ROBO2: variants seen among roughly 807,000 people sequenced by gnomAD.
ROBO2 encodes the protein roundabout guidance receptor 2.
Under a neutral mutation model 160.8 loss-of-function variants are expected in ROBO2, and 53 were observed. That is an observed-to-expected ratio of 0.33 (90% CI 0.26 to 0.41). The LOEUF is 0.41. Ranked by LOEUF, ROBO2 falls within the 10% of genes least tolerant of loss-of-function variation. The probability of loss-of-function intolerance (pLI) is 1.00; values close to 1 mark genes in which losing one functional copy is unlikely to be tolerated. For missense variants in ROBO2, 1,577 were observed against 1,722.4 expected, an observed-to-expected ratio of 0.92 and a Z score of 1.49; for synonymous variants, 664 against 611.7, an observed-to-expected ratio of 1.09 and a Z score of -1.26.
At chr3:76,243,609 C>A (rs951075740) in intron 2 of ROBO2, among the ~76,000 whole-genome samples, 1 of 152,148 alleles carries the variant, frequency 6.6e-6, no homozygotes, top group Non-Finnish European at 1.5e-5. Flanking sequence ...GCTTAGGAAA[C>A]CAACAGTAAA....
At chr3:77,617,110 A>G (rs1337212752) in intron 21 of ROBO2, among the ~76,000 whole-genome samples, 1 of 127,386 alleles carries the variant, frequency 7.9e-6, no homozygotes, top group African/African-American at 3.3e-5. Flanking sequence ...TAGATAATCA[A>G]TCAGCGATAT....
intron 2 of ROBO2, among the ~76,000 whole-genome samples, chr3:76,631,199 T>C (rs1430208077): frequency 6.6e-6 from 1 of 152,226 alleles, no homozygotes; most frequent in Non-Finnish European, 1.5e-5. Flanking sequence ...AATTTTAATT[T>C]TATTCAGTGG....
intron 2 of ROBO2, among the ~76,000 whole-genome samples, chr3:77,350,212 C>A (rs974061782): frequency 2.0e-5 from 3 of 151,546 alleles, no homozygotes; most frequent in African/African-American, 7.3e-5. Flanking sequence ...AGTTCAAGAC[C>A]AGCCTGGGCA....
chr3:76,961,247 G>GGAAAAAAAAAAAAAAA (rs761616869), intron 2 of ROBO2, among the ~76,000 whole-genome samples: 1 of 54,448 alleles, frequency 1.8e-5, no homozygotes, highest in African/African-American at 5.4e-5. Flanking sequence ...GTGCCACAGA[G>GGAAAAAAAAAAAAAAA]AAAAAAAAAA....
intron 2 of ROBO2, among the ~76,000 whole-genome samples, chr3:77,225,154 C>A (rs1017127000): frequency 6.6e-6 from 1 of 151,874 alleles, no homozygotes; most frequent in Non-Finnish European, 1.5e-5. Flanking sequence ...GCATTCATTT[C>A]ACTGCTATAT....
chr3:76,323,447 T>G (rs930979794), intron 2 of ROBO2, among the ~76,000 whole-genome samples: 1 of 152,194 alleles, frequency 6.6e-6, no homozygotes, highest in Admixed American at 6.5e-5. Context: ...CACTGTTCAT[T>G]ACCTCAACAA....
intron 2 of ROBO2, among the ~76,000 whole-genome samples, chr3:76,233,285 A>C (rs548151372): frequency 6.6e-6 from 1 of 152,218 alleles, no homozygotes; most frequent in South Asian, 2.1e-4. Context: ...CTGGGCTTAC[A>C]GGCACTTGCC....
chr3:76,362,281 T>C (rs2075566590), intron 2 of ROBO2, among the ~76,000 whole-genome samples: 1 of 152,014 alleles, frequency 6.6e-6, no homozygotes, highest in Non-Finnish European at 1.5e-5. Flanking sequence ...GGAGGATCAC[T>C]TGGGTCTGGG....
chr3:77,406,461 TA>T (rs370749254), intron 2 of ROBO2, among the ~76,000 whole-genome samples: 5 of 152,302 alleles, frequency 3.3e-5, no homozygotes, highest in Admixed American at 6.5e-5. Flanking sequence ...ATGGATCAAT[TA>T]TTTTTTTGTT....
chr3:76,585,278 T>A (rs959483931), intron 2 of ROBO2, among the ~76,000 whole-genome samples: 3 of 152,212 alleles, frequency 2.0e-5, no homozygotes, highest in African/African-American at 7.2e-5. Context: ...GTTAATACAA[T>A]TATACACTTC....
intron 2 of ROBO2, among the ~76,000 whole-genome samples, chr3:76,480,285 A>T (rs1450714938): frequency 1.3e-5 from 2 of 152,130 alleles, no homozygotes; most frequent in Admixed American, 1.3e-4. Context: ...CTCCTCTTTA[A>T]GAAAATGTGC....
chr3:76,099,187 G>C (rs2069580438), intron 2 of ROBO2, among the ~76,000 whole-genome samples: 1 of 152,124 alleles, frequency 6.6e-6, no homozygotes, highest in East Asian at 1.9e-4. Context: ...AGACAGATGT[G>C]AGTTTAGCCG....
rs758551962 is a variant in ROBO2 at position 77,277,157 on chromosome 3, C to CTTCTTTCTTTCTTTCTTTCT, written c.388+178855_388+178874dup. 2.9e-3 allele frequency among the ~76,000 whole-genome samples: 253 copies of CTTCTTTCTTTCTTTCTTTCT among 88,184 alleles called. 2 individuals are homozygous for CTTCTTTCTTTCTTTCTTTCT. The highest frequency in any genetic ancestry group is 0.011 in the East Asian group (26 of 2,432). 57.9% of individuals were successfully genotyped at this position (88,184 alleles called of 152,430 possible). A position where few individuals can be genotyped will look rare whatever the true frequency, so the allele number is the denominator to read the frequency against. ...CCTTTCTTCCTTCTTTCCTTCTTTC[C>CTTCTTTCTTTCTTTCTTTCT]TTCTTTCTTTCTTTCTTTCTTTCTT... is the stretch of plus-strand genomic sequence containing the variant. On this transcript the variant is annotated intron_variant, in intron 2 of 25. Transcript: ENST00000461745.
chr3:76,832,594 G>T lies in ROBO2; in HGVS notation c.110-265420G>T, dbSNP rs1325873890. Among the ~76,000 whole-genome samples, 4 of 152,114 alleles carry T rather than the reference G, an allele frequency of 2.6e-5. No individual in the cohort carries two copies. The South Asian group carries it at 6.2e-4, about 24-fold the overall frequency. On this transcript the variant is annotated intron_variant, in intron 2 of 26. Coordinates refer to the ROBO2 transcript ENST00000487694. ...GAGGTAGGCTTCTAGAATTAGGTGG[G>T]CACTGAGATGACCGCTGAAGGGTGG...
chr3:77,053,523 G>C (rs1218085808), intron 1 of ROBO2, among the ~76,000 whole-genome samples: 2 of 152,042 alleles, frequency 1.3e-5, no homozygotes, highest in Non-Finnish European at 2.9e-5. Flanking sequence ...ATACCCAAAG[G>C]CAATCAGAGA....
intron 2 of ROBO2, among the ~76,000 whole-genome samples, chr3:77,440,660 A>G (rs1486401788): frequency 6.6e-6 from 1 of 152,208 alleles, no homozygotes; most frequent in African/African-American, 2.4e-5. Context: ...TTTGAACAAA[A>G]TGTTTTGAAA....
At chr3:77,269,764 A>G (rs909425473) in intron 2 of ROBO2, among the ~76,000 whole-genome samples, 1 of 152,188 alleles carries the variant, frequency 6.6e-6, no homozygotes, top group Admixed American at 6.5e-5. Context: ...TGAATTGCTA[A>G]TATTCTGCTT....
chr3:76,494,044 A>G (rs761891446), intron 2 of ROBO2, among the ~76,000 whole-genome samples: 6 of 152,032 alleles, frequency 3.9e-5, no homozygotes, highest in Non-Finnish European at 2.9e-5. Context: ...ATGTATGTGA[A>G]TGTTCACAGC....
intron 2 of ROBO2, among the ~76,000 whole-genome samples, chr3:77,237,324 C>T (rs1192592799): frequency 6.6e-6 from 1 of 151,738 alleles, no homozygotes; most frequent in Non-Finnish European, 1.5e-5. Flanking sequence ...TCTCAGTCCC[C>T]CAAGTAGCAG....
Sources: allele counts gnomAD v4.1 joint callset (sites outside exome capture counted in the v4.1 genomes callset), GRCh38; gene constraint gnomAD v4.1.1; transcripts MANE v1.5; gene names NCBI Gene and HGNC (gene_info 2026-07-23, HGNC 2026-07-21).